The following TEX55 variants were observed in gnomAD, a reference collection of about 807,000 sequenced individuals.
TEX55 encodes testis expressed 55, also known as testis-specific expressed protein 55.
TEX55 carries 31 observed loss-of-function variants against 44.6 expected under a neutral mutation model. That is an observed-to-expected ratio of 0.69 (90% CI 0.52 to 0.94). The LOEUF is 0.94. Among genes scored for constraint, TEX55 ranks in the 40% least tolerant of loss-of-function variants. TEX55 has a pLI of 0.00. For missense variants in TEX55, 639 were observed against 638.4 expected (o/e 1.00, Z -0.01); for synonymous variants, 230 against 230.9 (o/e 1.00, Z 0.04).
Position 119,146,168 on chromosome 3 carries a change from C to A in TEX55, c.-22C>A, listed in dbSNP as rs1295386640. On this transcript the variant is annotated 5_prime_UTR_variant, in exon 1 of 3. Transcript: ENST00000295622. The stretch of plus-strand genomic sequence containing the variant: ...CACCCACAGTGCCTGGCAACCTAGA[C>A]CAGTCAGGGACGCGGCAGGAAATGG... 2.0e-6 allele frequency: 3 copies of A among 1,528,332 alleles called. No homozygotes were observed. Among genetic ancestry groups the A allele is most frequent in the Non-Finnish European group, 2.7e-6 (3 of 1,127,428 alleles). 94.7% of individuals were successfully genotyped at this position (1,528,332 alleles called of 1,614,324 possible).
chr3:119,148,437 G>A (rs552897778), intron 2 of TEX55, 114 bp downstream of exon 2: 3 of 983,062 alleles, frequency 3.1e-6, no homozygotes, highest in East Asian at 5.4e-5. Context: ...GCATTAAGAT[G>A]TAGTTACCAT....
At chr3:119,151,100 C>A (rs894351696) in intron 2 of TEX55, 124 bp from the exon 3 acceptor site, 11 of 673,784 alleles carry the variant, frequency 1.6e-5, no homozygotes, top group Non-Finnish European at 2.7e-5. Flanking sequence ...AGTGGGAACC[C>A]ATCTCTGAAA....
rs1429461907 is a variant in TEX55, at chr3:119,146,429, G to T, written c.240G>T (p.Gly80=). The T allele has an allele frequency of 6.2e-7, 1 of 1,614,128 alleles. No individual in the cohort carries two copies. ...QATNGVAEQN[G]HSTPGQAGRR... ...CCAACGGAGTAGCTGAACAAAATGG[G>T]CATAGTACACCTGGTCAGGCTGGCC... is the stretch of plus-strand genomic sequence containing the variant. The change falls in exon 1 of 3, where the codon GGG becomes GGT. Residue 80 remains glycine, a synonymous_variant. Coordinates refer to ENST00000295622, the MANE Select transcript of TEX55 (RefSeq NM_152539.3).
chr3:119,148,237 A>G lies in TEX55; in HGVS notation c.1456A>G (p.Arg486Gly), dbSNP rs953454686. Reference sequence around the variant, plus strand: ...TTATCATATACGCAATCAAACTTATAGAAGGTTCCCTTCTATAGTTTATGA... The same window carrying G: ...TTATCATATACGCAATCAAACTTATGGAAGGTTCCCTTCTATAGTTTATGA... The part of the protein sequence containing the change: ...KGYHIRNQTY[R>G]RFPSIVYEDP... The change falls in exon 2 of 3, where the codon AGA becomes GGA. Residue 486 changes from arginine (R) to glycine (G), a missense_variant. Coordinates refer to ENST00000295622, the MANE Select transcript of TEX55 (RefSeq NM_152539.3). The G allele has an allele frequency of 1.9e-5, 30 of 1,612,168 alleles. 1 individual carries two copies. Among genetic ancestry groups the G allele is most frequent in the East Asian group, 1.1e-4 (5 of 44,824 alleles).
At chr3:119,149,847 G>T (rs912403689) in intron 2 of TEX55, among the ~76,000 whole-genome samples, 23 of 152,302 alleles carry the variant, frequency 1.5e-4, no homozygotes, top group African/African-American at 4.1e-4. Flanking sequence ...GAGGGGAAAA[G>T]ATATACTTTA....
rs931740260 is a variant in TEX55 at position 119,146,391 on chromosome 3, T to C, written c.202T>C (p.Phe68Leu). The change falls in exon 1 of 3, where the codon TTT becomes CTT. Residue 68 changes from phenylalanine to leucine, a missense_variant. By Grantham distance (22) the Phe-to-Leu change is conservative. Transcript: ENST00000295622. ...GCCTAGCCAGGCTGAATCCAGCATA[T>C]TTAGCCAAGCTACCAACGGAGTAGC... ...RVPSQAESSI[F>L]SQATNGVAEQ... The C allele has an allele frequency of 1.3e-5, 21 of 1,614,012 alleles. No homozygotes were observed. The highest frequency in any genetic ancestry group is 1.7e-5 in the Non-Finnish European group (20 of 1,180,002).
At position 119,147,476 on chromosome 3, in the gene TEX55, C is replaced by T. The variant is rs773725930; in HGVS notation, c.1287C>T (p.Thr429=). Reference sequence around the variant, plus strand: ...ACAACCCAGTTGATGCCAGATTCACCAGTAACTTCCAAGCAAAAGACCAAG... The same window carrying T: ...ACAACCCAGTTGATGCCAGATTCACTAGTAACTTCCAAGCAAAAGACCAAG... ...PPYNPVDARF[T]SNFQAKDQAL... is the part of the protein sequence containing the mutation. The change falls in exon 1 of 3, where the codon ACC becomes ACT. Residue 429 remains threonine (T), a synonymous_variant. Transcript: ENST00000295622. 1.9e-6 allele frequency: 3 copies of T among 1,614,108 alleles called. No individual in the cohort carries two copies. Among genetic ancestry groups the T allele is most frequent in the Admixed American group, 3.3e-5 (2 of 60,014 alleles).
chr3:119,148,406 C>G, intron 2 of TEX55, 83 bp downstream of exon 2: 1 of 1,309,098 alleles, frequency 7.6e-7, no homozygotes, highest in Non-Finnish European at 1.1e-6. Context: ...GGGATATATT[C>G]TAATTGAGAA....
In TEX55 at chr3:119,146,247, G is replaced by C. The variant is rs559349551; in HGVS notation, c.58G>C (p.Ala20Pro). 12 of 1,613,166 alleles carry C rather than the reference G, an allele frequency of 7.4e-6. No homozygotes were observed. In the East Asian group the frequency reaches 2.2e-4, roughly 30 times the overall value. ...AEPLKHESPA[A>P]PSSAGHTKGQ... The stretch of plus-strand genomic sequence containing the variant: ...ACCCTTGAAACATGAAAGCCCAGCC[G>C]CTCCCTCAAGTGCTGGCCACACTAA... The change falls in exon 1 of 3, where the codon GCT becomes CCT. Residue 20 changes from alanine (A) to proline (P), a missense_variant. By Grantham distance (27) the Ala-to-Pro change is conservative. Coordinates refer to ENST00000295622, the MANE Select transcript of TEX55 (RefSeq NM_152539.3).
rs78298635 is a variant in TEX55 at position 119,148,488 on chromosome 3, A to G, written c.1542+165A>G. On this transcript the variant is annotated intron_variant, in intron 2 of 2. Coordinates refer to ENST00000295622, the MANE Select transcript of TEX55 (RefSeq NM_152539.3). ...AACACCAAATAGATGATACCATCAT[A>G]TGAAGCCATTCAGAGGGATTAGAGA... Among the ~76,000 whole-genome samples the G allele has an allele frequency of 0.026, 4,015 of 152,288 alleles. 181 individuals carry two copies. The highest frequency in any genetic ancestry group is 0.092 in the African/African-American group (3,835 of 41,560).
chr3:119,147,011 T>G lies in TEX55; in HGVS notation c.822T>G (p.Thr274=). ...TTAGGAGAAGAAGTTCTGAGAAGACTGACTACAGATTGGCTGGCCTGGCTG... is the reference window on the plus strand; with the variant it reads ...TTAGGAGAAGAAGTTCTGAGAAGACGGACTACAGATTGGCTGGCCTGGCTG... ...GKVRRRSSEK[T]DYRLAGLADP... The change falls in exon 1 of 3, where the codon ACT becomes ACG. Residue 274 remains threonine (T), a synonymous_variant. Coordinates refer to ENST00000295622, the MANE Select transcript of TEX55 (RefSeq NM_152539.3). The G allele has an allele frequency of 6.2e-7, 1 of 1,614,216 alleles. No individual in the cohort carries two copies. The highest frequency in any genetic ancestry group is 1.7e-5 in the Admixed American group (1 of 60,036).
rs2077729155 is a variant in TEX55, at chr3:119,146,649, G to T, written c.460G>T (p.Ala154Ser). The T allele has an allele frequency of 1.2e-6, 2 of 1,614,076 alleles. No individual in the cohort carries two copies. Among genetic ancestry groups the T allele is most frequent in the Admixed American group, 3.3e-5 (2 of 60,000 alleles). Reference protein sequence around the residue: ...EQTERRLPTQAERRTSGQIDG... With the variant: ...EQTERRLPTQSERRTSGQIDG... ...GACTGAACGAAGATTACCTACCCAG[G>T]CTGAGAGAAGAACTTCTGGGCAGAT... The change falls in exon 1 of 3, where the codon GCT becomes TCT. Residue 154 changes from alanine to serine, a missense_variant. Coordinates refer to ENST00000295622, the MANE Select transcript of TEX55 (RefSeq NM_152539.3).
In TEX55 at chr3:119,151,300, G is replaced by A; in HGVS notation, c.*8G>A. 1.2e-6 allele frequency: 2 copies of A among 1,611,440 alleles called. No homozygotes were observed. The highest frequency in any genetic ancestry group is 1.7e-6 in the Non-Finnish European group (2 of 1,178,174). Reference sequence around the variant, plus strand: ...ATGCTGTGCCAGGTATAGAATTGGAGAAAAAGAACAACCTTTTTATTCTCT... The same window carrying A: ...ATGCTGTGCCAGGTATAGAATTGGAAAAAAAGAACAACCTTTTTATTCTCT... On this transcript the variant is annotated 3_prime_UTR_variant, in exon 3 of 3. Coordinates refer to ENST00000295622, the MANE Select transcript of TEX55 (RefSeq NM_152539.3).
chr3:119,150,928 G>A (rs560176066), intron 2 of TEX55, among the ~76,000 whole-genome samples: 2 of 152,048 alleles, frequency 1.3e-5, no homozygotes, highest in African/African-American at 4.8e-5. Context: ...AGAAATACAC[G>A]AATTTCTTCA....
chr3:119,150,729 T>C (rs1201124412), intron 2 of TEX55, among the ~76,000 whole-genome samples: 1 of 152,160 alleles, frequency 6.6e-6, no homozygotes, highest in Non-Finnish European at 1.5e-5. Flanking sequence ...AAATAATTTA[T>C]TAATTTCTCA....
chr3:119,151,148 A>G, intron 2 of TEX55, 76 bp from the exon 3 acceptor site: 1 of 937,596 alleles, frequency 1.1e-6, no homozygotes, highest in Non-Finnish European at 1.7e-6. Context: ...TTAGTGGGAA[A>G]GATAGCATCA....
At chr3:119,148,685 A>G (rs945182251) in intron 2 of TEX55, among the ~76,000 whole-genome samples, 1 of 152,240 alleles carries the variant, frequency 6.6e-6, no homozygotes, top group Non-Finnish European at 1.5e-5. Flanking sequence ...GTTCTGAAAC[A>G]TGCATCATTA....
rs531790672 is a variant in TEX55 at position 119,148,076 on chromosome 3, T to A, written c.1399-104T>A. 21 of 1,004,860 alleles carry A rather than the reference T, an allele frequency of 2.1e-5. No individual in the cohort carries two copies. In the East Asian group the frequency reaches 4.9e-4, roughly 23 times the overall value. 62.2% of individuals were successfully genotyped at this position (1,004,860 alleles called of 1,614,324 possible). On this transcript the variant is annotated intron_variant, in intron 1 of 2. Transcript: ENST00000295622. Reference sequence around the variant, plus strand: ...CTTAAAAATGTGTATTTTCTCCAACTCCTTGTGTTAAGATCTCATCAACAT... The same window carrying A: ...CTTAAAAATGTGTATTTTCTCCAACACCTTGTGTTAAGATCTCATCAACAT...
intron 2 of TEX55, among the ~76,000 whole-genome samples, chr3:119,149,428 G>A (rs757388662): frequency 9.9e-5 from 15 of 151,974 alleles, no homozygotes; most frequent in Non-Finnish European, 1.9e-4. Context: ...CATGCATGGA[G>A]CTGTCATCTC....
Sources: allele counts gnomAD v4.1 joint callset (sites outside exome capture counted in the v4.1 genomes callset), GRCh38; gene constraint gnomAD v4.1.1; transcripts MANE v1.5; gene names NCBI Gene and HGNC (gene_info 2026-07-23, HGNC 2026-07-21).